Variants in CD200R1 observed in about 807,000 individuals in gnomAD.
CD200R1 encodes the protein cell surface glycoprotein CD200 receptor 1.
CD200R1 carries 30 observed loss-of-function variants against 38.1 expected under a neutral mutation model. The ratio of observed to expected loss-of-function variants is 0.79; its 90% CI spans 0.59 to 1.07. CD200R1 has a LOEUF of 1.07. CD200R1 is among the 50% of genes least tolerant of loss of function. The pLI is 0.00. For missense variants in CD200R1, 372 were observed against 415.4 expected, an observed-to-expected ratio of 0.90 and a Z score of 0.91; for synonymous variants, 128 against 152.1, an observed-to-expected ratio of 0.84 and a Z score of 1.16.
chr3:112,923,757 G>C lies in CD200R1; in HGVS notation c.967C>G (p.Pro323Ala). Residue 323 changes from proline (P) to alanine (A), a missense_variant, in exon 8 of 8, where the codon CCT becomes GCT. Pro to Ala is a conservative substitution (Grantham distance 27, BLOSUM62 -1). Transcript: ENST00000308611. ...ACCTTGTTTGTAGTATCATAGAGAG[G>C]ATTGTTCTTCTCTGTGTAGCTGGCA... The part of the protein sequence containing the change: ...PYASYTEKNN[P>A]LYDTTNKVKA... The C allele has an allele frequency of 6.2e-7, 1 of 1,608,240 alleles. No individual in the cohort carries two copies. Among genetic ancestry groups the C allele is most frequent in the East Asian group, 2.3e-5 (1 of 44,420 alleles).
chr3:112,966,628 A>T (rs1376449733), intron 1 of CD200R1, among the ~76,000 whole-genome samples: 1 of 152,216 alleles, frequency 6.6e-6, no homozygotes, highest in Non-Finnish European at 1.5e-5. Flanking sequence ...GCAGAGAAAA[A>T]GAAAAGAAAT....
intron 1 of CD200R1, among the ~76,000 whole-genome samples, chr3:112,950,402 GAAA>G (rs59937779): frequency 1.2e-5 from 1 of 83,540 alleles, no homozygotes. Flanking sequence ...CTCCGTCAAA[GAAA>G]AAAAAAAAAA....
At chr3:112,929,851 CTATTGCCTT>C (rs1293974787) in intron 3 of CD200R1, among the ~76,000 whole-genome samples, 1 of 151,964 alleles carries the variant, frequency 6.6e-6, no homozygotes, top group Middle Eastern at 3.2e-3. Flanking sequence ...GTGGTGGAGA[CTATTGCCTT>C]TATCATACAA....
intron 1 of CD200R1, among the ~76,000 whole-genome samples, chr3:112,958,991 CA>C (rs949882156): frequency 1.3e-5 from 2 of 149,512 alleles, no homozygotes; most frequent in South Asian, 2.1e-4. Flanking sequence ...TCCAGTGAGA[CA>C]AAAAAAAAGG....
intron 1 of CD200R1, 25 bp from the exon 2 acceptor site, chr3:112,947,949 G>T (rs147969199): frequency 6.8e-7 from 1 of 1,477,738 alleles, no homozygotes; most frequent in East Asian, 2.3e-5. Flanking sequence ...AGACATAGGG[G>T]GTAGAGAGAG....
At chr3:112,948,259 G>A (rs1036024245) in intron 1 of CD200R1, among the ~76,000 whole-genome samples, 3 of 152,098 alleles carry the variant, frequency 2.0e-5, no homozygotes, top group African/African-American at 7.2e-5. Context: ...GCACCAATGA[G>A]GAGGTAAAAA....
At position 112,975,093 on chromosome 3, in the gene CD200R1, AT is replaced by A; in HGVS notation, c.-237del. The A allele has an allele frequency of 1.9e-6, 1 of 534,738 alleles. No homozygotes were observed. The highest frequency in any genetic ancestry group is 1.9e-5 in the African/African-American group (1 of 53,188). The allele number at this position is 534,738 out of a possible 1,614,324, so 33.1% of individuals were successfully genotyped here. On this transcript the variant is annotated 5_prime_UTR_variant, in exon 1 of 8. Transcript: ENST00000308611. ...TCTCTGGAACTTGACACAGCAATAG[AT>A]TTCCTGTATGAAGCCCTGAAGCAAA...
chr3:112,931,301 T>C, intron 2 of CD200R1, 130 bp from the exon 3 acceptor site: 1 of 580,748 alleles, frequency 1.7e-6, no homozygotes, highest in South Asian at 2.4e-5. Flanking sequence ...TACACAAAAA[T>C]CATTGTAAAA....
chr3:112,968,407 G>C (rs1442752038), intron 1 of CD200R1, among the ~76,000 whole-genome samples: 1 of 152,130 alleles, frequency 6.6e-6, no homozygotes, highest in Non-Finnish European at 1.5e-5. Flanking sequence ...AGTTTCCACA[G>C]GTAAGAACTA....
chr3:112,938,460 T>C (rs917607817), intron 2 of CD200R1, among the ~76,000 whole-genome samples: 1 of 152,090 alleles, frequency 6.6e-6, no homozygotes, highest in African/African-American at 2.4e-5. Context: ...AAAAGACCAT[T>C]AGAAACTATT....
Position 112,923,651 on chromosome 3 carries a change from G to T in CD200R1, c.*26C>A. The T allele has an allele frequency of 9.0e-7, 1 of 1,113,498 alleles. No homozygotes were observed. The highest frequency in any genetic ancestry group is 1.3e-6 in the Non-Finnish European group (1 of 741,564). 69.0% of individuals were successfully genotyped at this position (1,113,498 alleles called of 1,614,324 possible). The stretch of plus-strand genomic sequence containing the variant: ...ATTATAATGTATCTCGTTTGTTGTT[G>T]TTTCTTGGTACTAGAGTCCAACAAC... On this transcript the variant is annotated 3_prime_UTR_variant, in exon 8 of 8. Transcript: ENST00000308611.
At position 112,928,896 on chromosome 3, in the gene CD200R1, T is replaced by C; in HGVS notation, c.689A>G (p.Glu230Gly). The C allele has an allele frequency of 6.2e-7, 1 of 1,613,996 alleles. No homozygotes were observed. The highest frequency in any genetic ancestry group is 8.5e-7 in the Non-Finnish European group (1 of 1,179,984). The change falls in exon 5 of 8, where the codon GAG (glutamate) becomes GGG (glycine). Residue 230 changes from glutamate (E) to glycine (G), a missense_variant. Glu to Gly is a moderately conservative substitution (Grantham distance 98). Transcript: ENST00000308611. Reference sequence around the variant, plus strand: ...GGTCACGGTAGACACATTGTGGACCTCCCAGTGGCATGTACTCTTAACAGT... The same window carrying C: ...GGTCACGGTAGACACATTGTGGACCCCCCAGTGGCATGTACTCTTAACAGT... Reference protein sequence around the residue: ...TVTVKSTCHWEVHNVSTVTCH... With the variant: ...TVTVKSTCHWGVHNVSTVTCH...
intron 1 of CD200R1, among the ~76,000 whole-genome samples, chr3:112,954,570 G>A (rs80140233): frequency 0.048 from 7,309 of 152,192 alleles, 253 homozygotes; most frequent in African/African-American, 0.094. Flanking sequence ...GAGGGTAAAC[G>A]TGCTGAAGGT....
intron 1 of CD200R1, among the ~76,000 whole-genome samples, chr3:112,968,812 T>C (rs1379461542): frequency 2.0e-5 from 3 of 152,172 alleles, no homozygotes; most frequent in African/African-American, 7.2e-5. Flanking sequence ...GAACTCAGAT[T>C]TGAGATGCTG....
In CD200R1 at chr3:112,933,956, T is replaced by A. The variant is rs562408605; in HGVS notation, c.137-2785A>T. ...TTAAAAACAAAAAGAAAAAGAATTT[T>A]AAAAAAATAAAGTTTACAGGATTTA... On this transcript the variant is annotated intron_variant, in intron 2 of 7. Transcript: ENST00000308611. Among the ~76,000 whole-genome samples the A allele has an allele frequency of 1.0e-3, 152 of 151,810 alleles. 1 individual carries two copies. The South Asian group carries it at 0.012, about 12-fold the overall frequency.
At chr3:112,948,526 C>G (rs1410797766) in intron 1 of CD200R1, among the ~76,000 whole-genome samples, 2 of 152,172 alleles carry the variant, frequency 1.3e-5, no homozygotes, top group Non-Finnish European at 2.9e-5. Flanking sequence ...AGCCTAGATT[C>G]CTGGCATGCA....
chr3:112,958,146 G>A (rs756130220), intron 1 of CD200R1, among the ~76,000 whole-genome samples: 9 of 151,718 alleles, frequency 5.9e-5, no homozygotes, highest in Non-Finnish European at 1.3e-4. Context: ...ATTTATCTAA[G>A]AGAAATGAAA....
intron 1 of CD200R1, among the ~76,000 whole-genome samples, chr3:112,950,046 C>T (rs992268487): frequency 3.9e-5 from 6 of 152,120 alleles, no homozygotes; most frequent in African/African-American, 1.4e-4. Context: ...ATATATTTCA[C>T]ATCAGTCATG....
At chr3:112,967,972 T>G (rs1319490256) in intron 1 of CD200R1, among the ~76,000 whole-genome samples, 1 of 152,232 alleles carries the variant, frequency 6.6e-6, no homozygotes, top group African/African-American at 2.4e-5. Flanking sequence ...ACTTCCTTTG[T>G]GAAGGCTTTA....
Sources: allele counts gnomAD v4.1 joint callset (sites outside exome capture counted in the v4.1 genomes callset), GRCh38; gene constraint gnomAD v4.1.1; transcripts MANE v1.5; gene names NCBI Gene and HGNC (gene_info 2026-07-23, HGNC 2026-07-21).